MYCBP2: variants seen among roughly 807,000 people sequenced by gnomAD.
MYCBP2 encodes E3 ubiquitin-protein ligase MYCBP2.
Under a neutral mutation model 525.3 loss-of-function variants are expected in MYCBP2, and 120 were observed. That is an observed-to-expected ratio of 0.23 (90% CI 0.20 to 0.27). The LOEUF is 0.27. Among genes scored for constraint, MYCBP2 ranks in the 10% least tolerant of loss-of-function variants. MYCBP2 has a pLI of 1.00. For missense variants in MYCBP2, 4,149 were observed against 5,657.1 expected, an observed-to-expected ratio of 0.73 and a Z score of 8.55; for synonymous variants, 1,894 against 1,955.8, an observed-to-expected ratio of 0.97 and a Z score of 0.83.
At chr13:77,298,655 T>C (rs541218760) in intron 1 of MYCBP2, among the ~76,000 whole-genome samples, 1 of 152,294 alleles carries the variant, frequency 6.6e-6, no homozygotes, top group South Asian at 2.1e-4. Context: ...TCGACATGAG[T>C]GCATTTAAAG....
At chr13:77,054,281 T>C (rs1193234082) in intron 80 of MYCBP2, among the ~76,000 whole-genome samples, 1 of 152,182 alleles carries the variant, frequency 6.6e-6, no homozygotes, top group Non-Finnish European at 1.5e-5. Context: ...AAATGCAAGT[T>C]ATTTGGTATG....
chr13:77,200,173 T>G (rs1423877309), intron 26 of MYCBP2, among the ~76,000 whole-genome samples: 2 of 151,672 alleles, frequency 1.3e-5, no homozygotes, highest in Admixed American at 6.6e-5. Flanking sequence ...ATAACTAGAA[T>G]AACCAATACA....
chr13:77,068,885 A>G, intron 69 of MYCBP2, 54 bp from the exon 70 acceptor site: 1 of 1,534,042 alleles, frequency 6.5e-7, no homozygotes, highest in Non-Finnish European at 8.9e-7. Flanking sequence ...TTGATTTACT[A>G]CTCCTAGCAA....
intron 32 of MYCBP2, 145 bp downstream of exon 32, chr13:77,184,958 T>C (rs1026042563): frequency 2.5e-6 from 2 of 795,850 alleles, no homozygotes; most frequent in Admixed American, 6.3e-5. Context: ...TTTTAAACTT[T>C]GCTTATATAA....
intron 48 of MYCBP2, among the ~76,000 whole-genome samples, chr13:77,144,992 A>G (rs1323842231): frequency 1.3e-5 from 2 of 152,128 alleles, no homozygotes; most frequent in Non-Finnish European, 2.9e-5. Context: ...ATGCATCATC[A>G]ATTACTCTCA....
chr13:77,257,692 C>A lies in MYCBP2; in HGVS notation c.2155G>T (p.Ala719Ser). Residue 719 changes from alanine (A) to serine (S), a missense_variant, in exon 14 of 83, where the codon GCC becomes TCC. Ala to Ser is a moderately conservative substitution (Grantham distance 99). Around this residue, in one of 21 missense-constraint regions of MYCBP2, gnomAD observed 620 missense variants for 795.5 expected, o/e 0.78. Coordinates refer to ENST00000544440, the MANE Select transcript of MYCBP2 (RefSeq NM_015057.5). Reference protein sequence around the residue: ...NKGQCGRDTGAMNQGGKGFGV... With the variant: ...NKGQCGRDTGSMNQGGKGFGV... ...CTACCTTTCCCACCTTGGTTCATGG[C>A]ACCAGTATCTCGTCCACACTGTCCT... 6.3e-7 allele frequency: 1 copy of A among 1,587,476 alleles called. No homozygotes were observed. Among genetic ancestry groups the A allele is most frequent in the Admixed American group, 1.9e-5 (1 of 53,320 alleles).
At chr13:77,177,691 G>A in intron 35 of MYCBP2, 57 bp downstream of exon 35, 1 of 1,382,808 alleles carries the variant, frequency 7.2e-7, no homozygotes, top group Non-Finnish European at 1.0e-6. Flanking sequence ...TATGACAATG[G>A]TAAATCCTGA....
chr13:77,080,545 G>A (rs2043123447), intron 65 of MYCBP2: 1 of 152,176 alleles, frequency 6.6e-6, no homozygotes, highest in African/African-American at 2.4e-5. Context: ...ATTTAATTCA[G>A]TTGAAACACA....
intron 56 of MYCBP2, 31 bp downstream of exon 56, chr13:77,097,339 A>G (rs1054984553): frequency 6.4e-7 from 1 of 1,551,930 alleles, no homozygotes; most frequent in East Asian, 2.3e-5. Flanking sequence ...AGAAAAAAGC[A>G]CTTATACGTA....
intron 80 of MYCBP2, among the ~76,000 whole-genome samples, chr13:77,052,257 G>A (rs1351555844): frequency 6.6e-6 from 1 of 152,010 alleles, no homozygotes; most frequent in Non-Finnish European, 1.5e-5. Flanking sequence ...GGAGCATAGT[G>A]GCGCAATCAT....
chr13:77,198,138 C>T (rs973933515), intron 26 of MYCBP2, among the ~76,000 whole-genome samples: 14 of 152,128 alleles, frequency 9.2e-5, no homozygotes, highest in Non-Finnish European at 1.6e-4. Flanking sequence ...ATCAAGACAT[C>T]CTAAAATAAC....
At chr13:77,138,212 TAC>T (rs1421745759) in intron 52 of MYCBP2, among the ~76,000 whole-genome samples, 1 of 152,206 alleles carries the variant, frequency 6.6e-6, no homozygotes, top group Non-Finnish European at 1.5e-5. Context: ...TCTGTCTATA[TAC>T]AGTCTCCACT....
chr13:77,262,622 A>T (rs981141973), intron 10 of MYCBP2, among the ~76,000 whole-genome samples: 3 of 151,946 alleles, frequency 2.0e-5, no homozygotes, highest in Non-Finnish European at 4.4e-5. Context: ...AGTATTTCAG[A>T]TTCTCTGCCT....
At chr13:77,160,271 A>C (rs772602954) in intron 44 of MYCBP2, among the ~76,000 whole-genome samples, 19 of 152,138 alleles carry the variant, frequency 1.2e-4, no homozygotes, top group Admixed American at 2.6e-4. Context: ...CTGCCAGCGA[A>C]CAAATCCCAG....
chr13:77,090,319 C>G (rs961214337), intron 59 of MYCBP2, 56 bp from the exon 60 acceptor site: 7 of 1,451,050 alleles, frequency 4.8e-6, no homozygotes, highest in Non-Finnish European at 6.5e-6. Context: ...TGAAATGTAA[C>G]TATACTTATA....
Position 77,135,047 on chromosome 13 carries a change from C to G in MYCBP2, c.7659+4149G>C, listed in dbSNP as rs921777093. 3.6e-4 allele frequency among the ~76,000 whole-genome samples: 55 copies of G among 152,230 alleles called. 3 individuals are homozygous for G. Among genetic ancestry groups the G allele is most frequent in the Non-Finnish European group, 1.3e-4 (9 of 68,028 alleles). The stretch of plus-strand genomic sequence containing the variant: ...ACTTCCAATCTCTGCCCCCATTCCT[C>G]TCTCTATAGTTTGTTTGAGTTGGGA... On this transcript the variant is annotated intron_variant, in intron 52 of 82. Coordinates refer to ENST00000544440, the MANE Select transcript of MYCBP2 (RefSeq NM_015057.5).
intron 57 of MYCBP2, 63 bp downstream of exon 57, chr13:77,096,249 C>T (rs2046239377): frequency 6.9e-7 from 1 of 1,456,060 alleles, no homozygotes; most frequent in Admixed American, 1.9e-5. Flanking sequence ...AAGATTATAA[C>T]AAGGTATTTT....
intron 7 of MYCBP2, among the ~76,000 whole-genome samples, chr13:77,269,406 C>A (rs1006977553): frequency 1.3e-5 from 2 of 152,054 alleles, no homozygotes; most frequent in Admixed American, 6.5e-5. Flanking sequence ...GAGGCCCAGG[C>A]GGGTGGCTCA....
chr13:77,237,955 AG>A (rs1185899104), intron 17 of MYCBP2, among the ~76,000 whole-genome samples: 2 of 152,174 alleles, frequency 1.3e-5, no homozygotes, highest in African/African-American at 4.8e-5. Context: ...AAAAAGTAAT[AG>A]CAACATGCCG....
Sources: gnomAD v4.1 joint callset for allele counts (sites outside exome capture counted in the v4.1 genomes callset) on GRCh38, gnomAD v4.1.1 for gene constraint, gnomAD v4.1.1 regional missense constraint, MANE v1.5 for transcripts, NCBI Gene and HGNC (gene_info 2026-07-23, HGNC 2026-07-21) for gene names.